Variants in AGL observed in about 807,000 individuals in gnomAD.
The protein encoded by AGL is amylo-alpha-1,6-glucosidase and 4-alpha-glucanotransferase, also known as glycogen debranching enzyme.
A neutral mutation model predicts 199.3 loss-of-function variants in AGL; 128 were observed. That is an observed-to-expected ratio of 0.64 (90% CI 0.56 to 0.74). The LOEUF (loss-of-function observed/expected upper bound fraction) is 0.74. AGL is among the 30% of genes least tolerant of loss of function. The pLI, the probability that AGL is intolerant of heterozygous loss-of-function variation, is 0.00. For missense variants in AGL, 1,809 were observed against 1,820.8 expected, an observed-to-expected ratio of 0.99 and a Z score of 0.12; for synonymous variants, 584 against 594.7, an observed-to-expected ratio of 0.98 and a Z score of 0.26.
Position 99,916,586 on chromosome 1 carries a change from A to G in AGL, c.4348-12A>G. On this transcript the variant is annotated splice_polypyrimidine_tract_variant and intron_variant, in intron 32 of 33. Coordinates refer to ENST00000361915, the MANE Select transcript of AGL (RefSeq NM_000642.3). ...TTATGGTTTTTTTTGTCTTTTAAAT[A>G]ATCTTTTTTAGGAGTGGCTGTGGCC... The G allele has an allele frequency of 6.2e-7, 1 of 1,612,188 alleles. No homozygotes were observed. Among genetic ancestry groups the G allele is most frequent in the Non-Finnish European group, 8.5e-7 (1 of 1,179,146 alleles).
At chr1:99,908,348 G>T (rs1334562892) in intron 27 of AGL, among the ~76,000 whole-genome samples, 1 of 151,986 alleles carries the variant, frequency 6.6e-6, no homozygotes, top group Non-Finnish European at 1.5e-5. Context: ...TTTATTTCTG[G>T]GTTCTCTGTT....
At chr1:99,879,772 T>C in intron 12 of AGL, 151 bp from the exon 13 acceptor site, 2 of 671,608 alleles carry the variant, frequency 3.0e-6, no homozygotes. Flanking sequence ...TGATAAATTC[T>C]CTTGTTTCTA....
chr1:99,850,853 C>A (rs967078774), intron 1 of AGL, 122 bp from the exon 2 acceptor site: 2 of 638,884 alleles, frequency 3.1e-6, no homozygotes, highest in African/African-American at 3.7e-5. Context: ...TTATAAGATT[C>A]ATTCTCTTTC....
intron 25 of AGL, among the ~76,000 whole-genome samples, chr1:99,899,697 T>G (rs1054124110): frequency 1.3e-5 from 2 of 152,000 alleles, no homozygotes; most frequent in African/African-American, 4.8e-5. Context: ...CTCCGCTCAC[T>G]GCAAGCTCCG....
rs1025216472 is a variant in AGL at position 99,898,790 on chromosome 1, C to T, written c.3363-1846C>T. ...TCCATACACTTAACATGCATCAGTT[C>T]TGGCCACAACCAACTGTAAGATTGG... On this transcript the variant is annotated intron_variant, in intron 25 of 33. Coordinates refer to ENST00000361915, the MANE Select transcript of AGL (RefSeq NM_000642.3). Among the ~76,000 whole-genome samples the T allele has an allele frequency of 7.4e-4, 112 of 152,224 alleles. 1 individual carries two copies. The highest frequency in any genetic ancestry group is 1.0e-3 in the Non-Finnish European group (69 of 68,004).
Position 99,861,602 on chromosome 1 carries a change from A to C in AGL, c.182A>C (p.Lys61Thr), listed in dbSNP as rs749028648. ...PFPGETFNRE[K>T]FRSLDWENPT... is the part of the protein sequence containing the mutation. ...CCTGGAGAAACATTTAATAGAGAAA[A>C]ATTCCGTTCTCTGGATTGGGAAAAT... The change falls in exon 3 of 34, where the codon AAA (lysine) becomes ACA (threonine). Residue 61 changes from lysine to threonine, a missense_variant. Transcript: ENST00000361915. The C allele has an allele frequency of 6.2e-7, 1 of 1,613,972 alleles. No individual in the cohort carries two copies.
intron 7 of AGL, among the ~76,000 whole-genome samples, chr1:99,872,719 G>A (rs967370324): frequency 1.3e-5 from 2 of 151,998 alleles, no homozygotes; most frequent in African/African-American, 4.8e-5. Context: ...AGTAGAGACG[G>A]GGTTTCACCA....
rs1408929606 is a variant in AGL, at chr1:99,877,684, C to T, written c.1467C>T (p.Asp489=). The change falls in exon 12 of 34, where the codon GAC becomes GAT. Residue 489 remains aspartate, a synonymous_variant. Transcript: ENST00000361915. Reference sequence around the variant, plus strand: ...GGAGAGAACTTATTTGCTGGGGAGACAGTGTTAAATTACGCTATGGGAATA... The same window carrying T: ...GGAGAGAACTTATTTGCTGGGGAGATAGTGTTAAATTACGCTATGGGAATA... ...YLRRELICWG[D]SVKLRYGNKP... 1.9e-6 allele frequency: 3 copies of T among 1,613,966 alleles called. No individual in the cohort carries two copies. Among genetic ancestry groups the T allele is most frequent in the Non-Finnish European group, 8.5e-7 (1 of 1,179,964 alleles).
chr1:99,861,872 T>G (rs1052797286), intron 3 of AGL, among the ~76,000 whole-genome samples, 159 bp downstream of exon 3: 2 of 152,210 alleles, frequency 1.3e-5, no homozygotes, highest in Non-Finnish European at 2.9e-5. Flanking sequence ...AGGAGGTAAT[T>G]TTATGGTCCA....
chr1:99,918,656 T>C (rs1051821764), intron 33 of AGL, among the ~76,000 whole-genome samples: 2 of 152,130 alleles, frequency 1.3e-5, no homozygotes, highest in African/African-American at 4.8e-5. Flanking sequence ...AGATACCAGA[T>C]GTGAATTTTA....
At position 99,880,661 on chromosome 1, in the gene AGL, G is replaced by C; in HGVS notation, c.1765G>C (p.Glu589Gln). Residue 589 changes from glutamate (E) to glutamine (Q), a missense_variant, in exon 14 of 34, where the codon GAG becomes CAG. Coordinates refer to ENST00000361915, the MANE Select transcript of AGL (RefSeq NM_000642.3). The part of the protein sequence containing the change: ...EAMSAYNSHE[E>Q]GRLVYRYGGE... ...AATGAGTGCATATAATAGTCATGAA[G>C]AGGGCAGATTAGTTTACCGATATGG... The C allele has an allele frequency of 6.2e-7, 1 of 1,614,028 alleles. No individual in the cohort carries two copies.
chr1:99,859,092 G>T (rs1649811042), intron 2 of AGL, among the ~76,000 whole-genome samples: 1 of 152,080 alleles, frequency 6.6e-6, no homozygotes, highest in Non-Finnish European at 1.5e-5. Context: ...CTTAACAGGG[G>T]ACAGGTTGTA....
chr1:99,921,046 C>G (rs568093377), intron 33 of AGL, among the ~76,000 whole-genome samples: 1 of 151,958 alleles, frequency 6.6e-6, no homozygotes, highest in Non-Finnish European at 1.5e-5. Flanking sequence ...TAATAAATAC[C>G]AAGTTTATTA....
Position 99,881,394 on chromosome 1 carries a change from A to G in AGL, c.2104A>G (p.Arg702Gly), listed in dbSNP as rs1199705610. 6.2e-7 allele frequency: 1 copy of G among 1,614,168 alleles called. No homozygotes were observed. Among genetic ancestry groups the G allele is most frequent in the Non-Finnish European group, 8.5e-7 (1 of 1,180,008 alleles). The change falls in exon 16 of 34, where the codon AGG (arginine) becomes GGG (glycine). Residue 702 changes from arginine (R) to glycine (G), a missense_variant. Transcript: ENST00000361915. ...VNFQSGIIAA[R>G]CAISKLHQEL... ...TTTCCAAAGCGGCATTATTGCAGCC[A>G]GGTGTGCTATCAGTAAACTTCATCA...
chr1:99,914,947 G>T (rs920531824), intron 30 of AGL, among the ~76,000 whole-genome samples: 10 of 152,114 alleles, frequency 6.6e-5, no homozygotes. Context: ...ATTTGTGGTG[G>T]TACACACCTG....
At chr1:99,872,762 C>T (rs1008273152) in intron 7 of AGL, among the ~76,000 whole-genome samples, 1 of 152,108 alleles carries the variant, frequency 6.6e-6, no homozygotes, top group Admixed American at 6.5e-5. Flanking sequence ...CTCTTGACCT[C>T]GTGATCTGCC....
chr1:99,849,929 C>A (rs1648795483), upstream of AGL, among the ~76,000 whole-genome samples: 1 of 152,230 alleles, frequency 6.6e-6, no homozygotes, highest in Non-Finnish European at 1.5e-5. Context: ...AGGAAGGCCG[C>A]GCCTTGGCCG....
At position 99,881,598 on chromosome 1, in the gene AGL, A is replaced by T; in HGVS notation, c.2215A>T (p.Ile739Phe). Residue 739 changes from isoleucine to phenylalanine, a missense_variant, in exon 17 of 34, where the codon ATC becomes TTC. Ile to Phe is a conservative substitution (Grantham distance 21, BLOSUM62 0). Transcript: ENST00000361915. ...GGCAGTAACAAGACACTCACCTAGC[A>T]TCCATCAGTCTGTTGTGGCTGTATC... ...IVAVTRHSPS[I>F]HQSVVAVSRT... 2 of 1,614,072 alleles carry T rather than the reference A, an allele frequency of 1.2e-6. No homozygotes were observed. Among genetic ancestry groups the T allele is most frequent in the Non-Finnish European group, 1.7e-6 (2 of 1,179,986 alleles).
chr1:99,911,447 A>AT (rs996194379), intron 28 of AGL, among the ~76,000 whole-genome samples: 44 of 148,584 alleles, frequency 3.0e-4, no homozygotes, highest in East Asian at 2.3e-3. Context: ...TCTTATTCTA[A>AT]TTTTTTTTTT....
Sources: allele counts gnomAD v4.1 joint callset (sites outside exome capture counted in the v4.1 genomes callset), GRCh38; gene constraint gnomAD v4.1.1; transcripts MANE v1.5; gene names NCBI Gene and HGNC (gene_info 2026-07-23, HGNC 2026-07-21).